TYW1B: variants seen among roughly 807,000 people sequenced by gnomAD.
The protein encoded by TYW1B is tRNA-yW synthesizing protein 1 homolog B.
TYW1B carries 73 observed loss-of-function variants against 86.9 expected under a neutral mutation model. The ratio of observed to expected loss-of-function variants is 0.84; its 90% CI spans 0.70 to 1.02. TYW1B has a LOEUF of 1.02. Among genes scored for constraint, TYW1B ranks in the 50% least tolerant of loss-of-function variants. TYW1B has a pLI of 0.00. For synonymous variants in TYW1B, 248 were observed against 292.8 expected (o/e 0.85, Z 1.56); for missense variants, 637 against 827.4 (o/e 0.77, Z 2.82).
intron 6 of TYW1B, among the ~76,000 whole-genome samples, chr7:72,797,951 G>A (rs1471543121): frequency 2.6e-5 from 4 of 151,618 alleles, no homozygotes; most frequent in Non-Finnish European, 5.9e-5. Context: ...GCCACAGATC[G>A]ATGTCAGAAC....
chr7:72,609,119 T>C (rs1811870266), intron 13 of TYW1B, among the ~76,000 whole-genome samples: 1 of 152,220 alleles, frequency 6.6e-6, no homozygotes, highest in African/African-American at 2.4e-5. Context: ...ATTTTGCAGC[T>C]TCCTGTGAAT....
intron 12 of TYW1B, among the ~76,000 whole-genome samples, chr7:72,620,992 G>A (rs1812199789): frequency 6.6e-6 from 1 of 151,694 alleles, no homozygotes; most frequent in African/African-American, 2.4e-5. Context: ...TTATAGCCTG[G>A]TAGCTTTTGG....
At chr7:72,635,026 T>C (rs1812633291) in intron 11 of TYW1B, among the ~76,000 whole-genome samples, 1 of 152,182 alleles carries the variant, frequency 6.6e-6, no homozygotes. Context: ...TTCATATTAG[T>C]GTTTCTTATG....
intron 11 of TYW1B, among the ~76,000 whole-genome samples, chr7:72,692,652 T>C (rs1814199093): frequency 6.6e-6 from 1 of 152,210 alleles, no homozygotes; most frequent in African/African-American, 2.4e-5. Context: ...TGTTTTTTAA[T>C]AGATATAAAA....
chr7:72,703,016 A>ATTTT (rs1814518944), intron 10 of TYW1B, among the ~76,000 whole-genome samples: 1 of 17,676 alleles, frequency 5.7e-5, no homozygotes. Context: ...ATATATATAT[A>ATTTT]TATATATATA....
chr7:72,816,331 G>A (rs2129572832), intron 2 of TYW1B, among the ~76,000 whole-genome samples: 1 of 151,402 alleles, frequency 6.6e-6, no homozygotes. Context: ...AGCCAAGATT[G>A]CACCATTGCA....
chr7:72,725,393 C>CA (rs1786980084), intron 9 of TYW1B, among the ~76,000 whole-genome samples: 1 of 152,140 alleles, frequency 6.6e-6, no homozygotes, highest in Non-Finnish European at 1.5e-5. Flanking sequence ...CACACATCCT[C>CA]AGTCATCGTC....
At chr7:72,656,230 G>T (rs1483749870) in intron 11 of TYW1B, among the ~76,000 whole-genome samples, 1 of 152,036 alleles carries the variant, frequency 6.6e-6, no homozygotes. Context: ...AATCCAAAAA[G>T]TCATAAAAAG....
At chr7:72,804,517 C>T (rs6945435) in intron 5 of TYW1B, among the ~76,000 whole-genome samples, 104,293 of 151,874 alleles carry the variant, frequency 0.69, 36,717 homozygotes, top group Non-Finnish European at 0.77. Context: ...TGAGCATGGC[C>T]ATGCTCCCAA....
At chr7:72,800,368 T>G (rs1366482098) in intron 6 of TYW1B, among the ~76,000 whole-genome samples, 1 of 151,962 alleles carries the variant, frequency 6.6e-6, no homozygotes, top group African/African-American at 2.4e-5. Context: ...TAGCTAAATT[T>G]TTTTATTTCT....
At chr7:72,580,666 A>C (rs35745089) in intron 13 of TYW1B, among the ~76,000 whole-genome samples, 2 of 152,196 alleles carry the variant, frequency 1.3e-5, no homozygotes, top group African/African-American at 4.8e-5. Context: ...GGAGAATTTC[A>C]CTAAACAATA....
At chr7:72,644,697 C>A (rs1388966478) in intron 11 of TYW1B, among the ~76,000 whole-genome samples, 1 of 151,752 alleles carries the variant, frequency 6.6e-6, no homozygotes, top group Admixed American at 6.6e-5. Context: ...CAAATGGATA[C>A]CCATTGCAGT....
At chr7:72,593,307 G>GAA (rs201451619) in intron 13 of TYW1B, among the ~76,000 whole-genome samples, 22,349 of 129,292 alleles carry the variant, frequency 0.17, 2,325 homozygotes, top group East Asian at 0.55. Context: ...AAAAGAAAAA[G>GAA]AAAGAAAGAA....
chr7:72,698,161 AG>A (rs1271046597), intron 10 of TYW1B, among the ~76,000 whole-genome samples: 1 of 152,130 alleles, frequency 6.6e-6, no homozygotes, highest in African/African-American at 2.4e-5. Flanking sequence ...AGAGAGGAGG[AG>A]GGTGAAAGAG....
chr7:72,684,989 GT>G (rs1399011318), intron 11 of TYW1B, among the ~76,000 whole-genome samples: 3 of 151,966 alleles, frequency 2.0e-5, no homozygotes, highest in Admixed American at 6.6e-5. Flanking sequence ...GCGAGTGCCT[GT>G]AATCCCTGCT....
At chr7:72,597,715 T>C (rs1554432882) in intron 13 of TYW1B, among the ~76,000 whole-genome samples, 1 of 152,226 alleles carries the variant, frequency 6.6e-6, no homozygotes, top group African/African-American at 2.4e-5. Flanking sequence ...TAAGTAACTT[T>C]TGCCAAAATT....
At chr7:72,795,147 C>T (rs532347128) in intron 6 of TYW1B, among the ~76,000 whole-genome samples, 2 of 151,958 alleles carry the variant, frequency 1.3e-5, no homozygotes, top group Admixed American at 1.3e-4. Context: ...TGTCCTGCCT[C>T]CCCCCAGCTG....
At chr7:72,577,852 C>A (rs142445455) in intron 13 of TYW1B, among the ~76,000 whole-genome samples, 1 of 152,218 alleles carries the variant, frequency 6.6e-6, no homozygotes, top group African/African-American at 2.4e-5. Flanking sequence ...GTCTAACTCA[C>A]ATGTCCTTCA....
intron 6 of TYW1B, among the ~76,000 whole-genome samples, chr7:72,781,530 GC>G (rs1554471628): frequency 6.6e-6 from 1 of 152,078 alleles, no homozygotes; most frequent in Admixed American, 6.6e-5. Flanking sequence ...TCCCAGTAAA[GC>G]CTTTCTTTTT....
Sources: gnomAD v4.1 joint callset for allele counts (sites outside exome capture counted in the v4.1 genomes callset) on GRCh38, gnomAD v4.1.1 for gene constraint, MANE v1.5 for transcripts, NCBI Gene and HGNC (gene_info 2026-07-23, HGNC 2026-07-21) for gene names.